The following IFT25 variants were observed in gnomAD, a reference collection of about 807,000 sequenced individuals.
The protein encoded by IFT25 is intraflagellar transport 25.
At chr1:53,937,864 AG>A in the IFT25 span, among the ~76,000 whole-genome samples, 1 of 152,226 alleles carries the variant, frequency 6.6e-6, no homozygotes, top group Non-Finnish European at 1.5e-5. Flanking sequence ...TCCAAGACAG[AG>A]TAGGATAGTA....
chr1:53,921,688 G>GA, the IFT25 span: 1 of 1,612,654 alleles, frequency 6.2e-7, no homozygotes, highest in African/African-American at 1.3e-5. Flanking sequence ...TCCTTCTGCA[G>GA]AAACGCTATG....
chr1:53,944,710 C>A, the IFT25 span, among the ~76,000 whole-genome samples: 1 of 152,158 alleles, frequency 6.6e-6, no homozygotes, highest in Admixed American at 6.5e-5. Flanking sequence ...AAGGCAATTT[C>A]CTCAGGGCCG....
At chr1:53,917,650 A>AC in the IFT25 span, among the ~76,000 whole-genome samples, 6 of 151,898 alleles carry the variant, frequency 4.0e-5, no homozygotes, top group East Asian at 3.9e-4. Context: ...CCATGGTGAG[A>AC]CCCCCAACTC....
At chr1:53,927,978 CTG>C in the IFT25 span, among the ~76,000 whole-genome samples, 1 of 152,076 alleles carries the variant, frequency 6.6e-6, no homozygotes, top group Non-Finnish European at 1.5e-5. Context: ...AGGCAAGATG[CTG>C]TGTTTAATTA....
the IFT25 span, among the ~76,000 whole-genome samples, chr1:53,912,970 T>G: frequency 1.8e-4 from 28 of 152,180 alleles, no homozygotes; most frequent in Admixed American, 3.3e-4. Context: ...CTATAGTAGG[T>G]GTTGTTGGTG....
chr1:53,912,163 G>A, the IFT25 span, among the ~76,000 whole-genome samples: 1 of 152,196 alleles, frequency 6.6e-6, no homozygotes, highest in African/African-American at 2.4e-5. Flanking sequence ...GAGACAGGAT[G>A]TAAGGCAAGC....
chr1:53,917,834 G>GA, the IFT25 span, among the ~76,000 whole-genome samples: 1,383 of 141,962 alleles, frequency 9.7e-3, 22 homozygotes, highest in African/African-American at 0.033. Context: ...TCTCAAAAAA[G>GA]AAAAAAAAAA....
chr1:53,935,714 C>A, the IFT25 span, among the ~76,000 whole-genome samples: 2 of 151,768 alleles, frequency 1.3e-5, no homozygotes, highest in Non-Finnish European at 2.9e-5. Flanking sequence ...CTCAAGTGAT[C>A]CTCCTGCCTT....
chr1:53,915,620 C>G, the IFT25 span, among the ~76,000 whole-genome samples: 339 of 152,164 alleles, frequency 2.2e-3, 2 homozygotes, highest in African/African-American at 7.9e-3. Flanking sequence ...GTTTGTCTTG[C>G]GAGGGTAAGG....
the IFT25 span, chr1:53,946,171 C>T: frequency 6.6e-6 from 1 of 152,208 alleles, no homozygotes; most frequent in South Asian, 2.1e-4. Context: ...CAGCTCAGCT[C>T]TATCCCCGGG....
chr1:53,944,081 A>G, the IFT25 span, among the ~76,000 whole-genome samples: 1 of 152,146 alleles, frequency 6.6e-6, no homozygotes, highest in Non-Finnish European at 1.5e-5. Context: ...CTCATTTCAC[A>G]CCTTCTATAT....
At chr1:53,917,228 T>C in the IFT25 span, 1 of 152,246 alleles carries the variant, frequency 6.6e-6, no homozygotes, top group Non-Finnish European at 1.5e-5. Flanking sequence ...GAAATACTCC[T>C]ACAATGAACC....
the IFT25 span, among the ~76,000 whole-genome samples, chr1:53,940,852 G>A: frequency 6.6e-6 from 1 of 152,010 alleles, no homozygotes; most frequent in Non-Finnish European, 1.5e-5. Flanking sequence ...TGAGACTACA[G>A]GTATGCCACT....
At chr1:53,928,123 G>A in the IFT25 span, among the ~76,000 whole-genome samples, 1 of 152,170 alleles carries the variant, frequency 6.6e-6, no homozygotes, top group Non-Finnish European at 1.5e-5. Context: ...TTGAATGATA[G>A]ATATCATCAC....
chr1:53,939,573 A>G, the IFT25 span: 1 of 167,582 alleles, frequency 6.0e-6, no homozygotes, highest in African/African-American at 2.4e-5. Context: ...CAAGGAATGA[A>G]GCATTCAGTT....
the IFT25 span, chr1:53,923,703 C>T: frequency 3.3e-5 from 15 of 450,188 alleles, no homozygotes; most frequent in Non-Finnish European, 4.7e-5. Flanking sequence ...CTTGCCGTCA[C>T]TCTCTATGAA....
chr1:53,936,120 C>T, the IFT25 span, among the ~76,000 whole-genome samples: 1 of 151,872 alleles, frequency 6.6e-6, no homozygotes, highest in African/African-American at 2.4e-5. Context: ...AACCCTGTCT[C>T]TACTAGAAAT....
chr1:53,923,733 G>C, the IFT25 span: 1 of 538,700 alleles, frequency 1.9e-6, no homozygotes, highest in East Asian at 3.2e-5. Context: ...CCTAATTTAT[G>C]AATGTACATT....
chr1:53,943,654 G>A, the IFT25 span, among the ~76,000 whole-genome samples: 3 of 151,962 alleles, frequency 2.0e-5, no homozygotes, highest in African/African-American at 7.3e-5. Flanking sequence ...GCAAGGTCTG[G>A]GCTCTATGGC....
Sources: gnomAD v4.1 joint callset for allele counts (sites outside exome capture counted in the v4.1 genomes callset) on GRCh38, gnomAD v4.1.1 for gene constraint, MANE v1.5 for transcripts, NCBI Gene and HGNC (gene_info 2026-07-23, HGNC 2026-07-21) for gene names.